The following LUZP2 variants were observed in gnomAD, a reference collection of about 807,000 sequenced individuals.
The protein encoded by LUZP2 is leucine zipper protein 2.
LUZP2 carries 52 observed loss-of-function variants against 51.6 expected under a neutral mutation model. That is an observed-to-expected ratio of 1.01 (90% CI 0.81 to 1.27). LUZP2 has a LOEUF of 1.27. LUZP2 is among the 50% of genes most tolerant of loss of function. The pLI, the probability that LUZP2 is intolerant of heterozygous loss-of-function variation, is 0.00. For synonymous variants in LUZP2, 154 were observed against 137.3 expected (o/e 1.12, Z -0.85); for missense variants, 436 against 395.4 (o/e 1.10, Z -0.87).
chr11:24,975,875 A>G (rs924448557), intron 7 of LUZP2, among the ~76,000 whole-genome samples: 5 of 151,988 alleles, frequency 3.3e-5, no homozygotes, highest in African/African-American at 9.7e-5. Context: ...AATAGAGTAC[A>G]TATTAGTACA....
chr11:25,074,311 C>T (rs533895212), intron 10 of LUZP2, among the ~76,000 whole-genome samples: 19 of 152,106 alleles, frequency 1.2e-4, no homozygotes, highest in Non-Finnish European at 2.5e-4. Context: ...ATCTCTGGTG[C>T]CTCTCTGAGA....
At chr11:25,003,382 C>T in intron 9 of LUZP2, among the ~76,000 whole-genome samples, 1 of 152,284 alleles carries the variant, frequency 6.6e-6, no homozygotes, top group East Asian at 1.9e-4. Flanking sequence ...CAGGCGAATA[C>T]AGAAGAAGGC....
Position 24,763,251 on chromosome 11 carries a change from T to C in LUZP2, c.339T>C (p.Asn113=), listed in dbSNP as rs1860050772. The C allele has an allele frequency of 2.2e-6, 3 of 1,381,148 alleles. No homozygotes were observed. The highest frequency in any genetic ancestry group is 5.3e-5 in the East Asian group (2 of 37,954). The allele number at this position is 1,381,148 out of a possible 1,614,324, so 85.6% of individuals were successfully genotyped here. Residue 113 remains asparagine (N), a synonymous_variant, in exon 5 of 12, where the codon AAT becomes AAC. Coordinates refer to ENST00000336930, the MANE Select transcript of LUZP2 (RefSeq NM_001009909.4). ...AATAGTCTATTCATTTTCAGATTAATTTTTTAAAGACTGAAGTTGAAAGAA... is the reference window on the plus strand; with the variant it reads ...AATAGTCTATTCATTTTCAGATTAACTTTTTAAAGACTGAAGTTGAAAGAA... ...EKAEKHQATI[N]FLKTEVERKS...
chr11:25,066,795 G>A (rs1859007755), intron 10 of LUZP2, among the ~76,000 whole-genome samples: 1 of 152,014 alleles, frequency 6.6e-6, no homozygotes, highest in East Asian at 1.9e-4. Context: ...AGGGGTAAAT[G>A]CCATTATCTC....
At chr11:25,066,148 G>C (rs1565303309) in intron 10 of LUZP2, among the ~76,000 whole-genome samples, 1 of 146,668 alleles carries the variant, frequency 6.8e-6, no homozygotes, top group Non-Finnish European at 1.5e-5. Context: ...GTCTTCTCGG[G>C]GGATTTTATT....
At chr11:24,787,703 T>C (rs1448237621) in intron 5 of LUZP2, among the ~76,000 whole-genome samples, 1 of 152,224 alleles carries the variant, frequency 6.6e-6, no homozygotes, top group Non-Finnish European at 1.5e-5. Flanking sequence ...TAATTTTCTT[T>C]GTGGTATATT....
In LUZP2 at chr11:24,685,562, TTACTAA is replaced by T. The variant is rs542601950; in HGVS notation, c.63-43604_63-43599del. ...GAACATTTACTCCTCTCCCACACTG[TTACTAA>T]TATCAAACATTCTCCTCCTAGAAAT... On this transcript the variant is annotated intron_variant, in intron 1 of 11. Transcript: ENST00000336930. 4.7e-3 allele frequency among the ~76,000 whole-genome samples: 720 copies of T among 152,212 alleles called. 2 individuals are homozygous for T. The highest frequency in any genetic ancestry group is 7.1e-3 in the South Asian group (34 of 4,818).
At chr11:24,906,187 A>G in intron 6 of LUZP2, 134 bp downstream of exon 6, 1 of 494,958 alleles carries the variant, frequency 2.0e-6, no homozygotes, top group Non-Finnish European at 3.5e-6. Flanking sequence ...GAAAAATATA[A>G]TATATTTTAA....
At chr11:24,873,336 A>G (rs1205681298) in intron 5 of LUZP2, among the ~76,000 whole-genome samples, 1 of 152,226 alleles carries the variant, frequency 6.6e-6, no homozygotes, top group East Asian at 1.9e-4. Flanking sequence ...AGAAGAAAGT[A>G]CATTCAGGAT....
chr11:24,881,078 GT>G (rs1426032791), intron 5 of LUZP2, among the ~76,000 whole-genome samples: 1 of 152,064 alleles, frequency 6.6e-6, no homozygotes, highest in Non-Finnish European at 1.5e-5. Flanking sequence ...ATTTGGCTTT[GT>G]TTTTTGGTTG....
intron 1 of LUZP2, among the ~76,000 whole-genome samples, chr11:24,539,539 A>C (rs1851289788): frequency 6.6e-6 from 1 of 151,652 alleles, no homozygotes; most frequent in African/African-American, 2.4e-5. Flanking sequence ...TTTTATAAAT[A>C]CTCTCCTCCT....
intron 1 of LUZP2, among the ~76,000 whole-genome samples, chr11:24,717,942 G>T (rs140855198): frequency 9.2e-5 from 14 of 152,178 alleles, no homozygotes; most frequent in African/African-American, 3.4e-4. Flanking sequence ...TTTTATGACC[G>T]CATAGTATTC....
In LUZP2 at chr11:25,078,994, C is replaced by T. The variant is rs1470681982; in HGVS notation, c.*336C>T. Reference sequence around the variant, plus strand: ...ACTTCTATGATATAGTTGTCAAAATCAACTGGAGGATAATAAAATATTGTG... The same window carrying T: ...ACTTCTATGATATAGTTGTCAAAATTAACTGGAGGATAATAAAATATTGTG... On this transcript the variant is annotated 3_prime_UTR_variant, in exon 12 of 12. Transcript: ENST00000336930. 5.6e-6 allele frequency: 1 copy of T among 180,150 alleles called. No homozygotes were observed. Among genetic ancestry groups the T allele is most frequent in the Admixed American group, 6.2e-5 (1 of 16,024 alleles). The allele number at this position is 180,150 out of a possible 1,614,324, so 11.2% of individuals were successfully genotyped here. A position where few individuals can be genotyped will look rare whatever the true frequency, so the allele number is the denominator to read the frequency against.
At chr11:24,996,473 T>A (rs1445403476) in intron 9 of LUZP2, among the ~76,000 whole-genome samples, 2 of 151,882 alleles carry the variant, frequency 1.3e-5, no homozygotes, top group African/African-American at 4.8e-5. Context: ...ATGCCACAGA[T>A]TAGAACTAGG....
intron 1 of LUZP2, among the ~76,000 whole-genome samples, chr11:24,576,290 G>C (rs894097157): frequency 1.3e-5 from 2 of 151,586 alleles, no homozygotes; most frequent in African/African-American, 4.8e-5. Context: ...GCATGTGCCT[G>C]TAACCCCAGC....
At chr11:24,888,984 T>C (rs1852761767) in intron 5 of LUZP2, among the ~76,000 whole-genome samples, 1 of 152,158 alleles carries the variant, frequency 6.6e-6, no homozygotes, top group African/African-American at 2.4e-5. Context: ...GTTAAAACTC[T>C]TTCCTTTATA....
At chr11:24,748,472 T>C (rs1360033867) in intron 4 of LUZP2, among the ~76,000 whole-genome samples, 1 of 151,934 alleles carries the variant, frequency 6.6e-6, no homozygotes, top group African/African-American at 2.4e-5. Context: ...TCCTTTTTTT[T>C]TTTTTTGAGA....
chr11:24,504,207 T>C (rs950386270), intron 1 of LUZP2, among the ~76,000 whole-genome samples: 11 of 152,204 alleles, frequency 7.2e-5, no homozygotes, highest in African/African-American at 1.9e-4. Context: ...TTTGCTGATA[T>C]AAATCTCACT....
intron 10 of LUZP2, among the ~76,000 whole-genome samples, chr11:25,063,123 G>A (rs1858895426): frequency 1.3e-5 from 2 of 151,300 alleles, no homozygotes; most frequent in South Asian, 2.1e-4. Flanking sequence ...AAATATTTGG[G>A]AAAACATACA....
Sources: allele counts gnomAD v4.1 joint callset (sites outside exome capture counted in the v4.1 genomes callset), GRCh38; gene constraint gnomAD v4.1.1; transcripts MANE v1.5; gene names NCBI Gene and HGNC (gene_info 2026-07-23, HGNC 2026-07-21).